Variants in CSMD1 observed in about 807,000 individuals in gnomAD.
CSMD1 encodes the protein CUB and Sushi multiple domains 1.
In CSMD1, 213 loss-of-function variants were observed where a neutral mutation model predicts 417.5. The ratio of observed to expected loss-of-function variants is 0.51; its 90% CI spans 0.46 to 0.57. CSMD1 has a LOEUF of 0.57. CSMD1 is among the 20% of genes least tolerant of loss of function. The pLI is 0.00. For missense variants in CSMD1, 6,923 were observed against 4,529.7 expected (o/e 1.53, Z -15.17); for synonymous variants, 2,862 against 1,736.8 (o/e 1.65, Z -16.11).
chr8:4,840,317 G>T (rs1241724053), intron 1 of CSMD1, among the ~76,000 whole-genome samples: 2 of 152,128 alleles, frequency 1.3e-5, no homozygotes, highest in Non-Finnish European at 2.9e-5. Flanking sequence ...CTTCTATTCA[G>T]CACAGCTGTT....
At chr8:4,826,626 G>C (rs1385863442) in intron 1 of CSMD1, among the ~76,000 whole-genome samples, 1 of 152,158 alleles carries the variant, frequency 6.6e-6, no homozygotes, top group Non-Finnish European at 1.5e-5. Context: ...TAACTTGGGA[G>C]AAATTGCTGC....
chr8:4,415,541 C>T (rs986835203), intron 3 of CSMD1, among the ~76,000 whole-genome samples: 7 of 152,158 alleles, frequency 4.6e-5, no homozygotes, highest in African/African-American at 1.7e-4. Context: ...TTTATAAAGC[C>T]GGAATGACTA....
chr8:4,075,160 T>C (rs918028779), intron 3 of CSMD1, among the ~76,000 whole-genome samples: 8 of 152,222 alleles, frequency 5.3e-5, no homozygotes, highest in Non-Finnish European at 1.0e-4. Flanking sequence ...GATTAAATTT[T>C]GCTAAGCTGA....
At chr8:4,867,487 A>C (rs143462698) in intron 1 of CSMD1, among the ~76,000 whole-genome samples, 1 of 152,106 alleles carries the variant, frequency 6.6e-6, no homozygotes, top group Non-Finnish European at 1.5e-5. Context: ...TGAGGCCAAC[A>C]CTCTTCCTAT....
chr8:3,253,764 G>C (rs1278722986), intron 26 of CSMD1, among the ~76,000 whole-genome samples: 3 of 152,092 alleles, frequency 2.0e-5, no homozygotes, highest in African/African-American at 7.2e-5. Context: ...GAGCCTATGT[G>C]TGTCTCTGCA....
intron 3 of CSMD1, among the ~76,000 whole-genome samples, chr8:4,073,928 C>T (rs1355120969): frequency 1.3e-5 from 2 of 152,020 alleles, no homozygotes; most frequent in Non-Finnish European, 2.9e-5. Flanking sequence ...TCTATACAGA[C>T]GGTTTTTGAC....
intron 3 of CSMD1, among the ~76,000 whole-genome samples, chr8:4,093,943 G>C (rs1253902973): frequency 6.6e-6 from 1 of 151,432 alleles, no homozygotes; most frequent in Non-Finnish European, 1.5e-5. Context: ...CTGAGCAAAA[G>C]AGTGACTGAG....
chr8:4,026,914 A>G (rs979669783), intron 4 of CSMD1, among the ~76,000 whole-genome samples: 2 of 148,038 alleles, frequency 1.4e-5, no homozygotes, highest in African/African-American at 2.6e-5. Context: ...TTCTTTAAAA[A>G]CCAACCAAAC....
intron 2 of CSMD1, among the ~76,000 whole-genome samples, chr8:4,629,311 C>G (rs1802362864): frequency 6.6e-6 from 1 of 152,112 alleles, no homozygotes. Context: ...TTTCAATATC[C>G]TCAAAAACGC....
chr8:3,841,630 G>A (rs1024663992), intron 5 of CSMD1, among the ~76,000 whole-genome samples: 1 of 151,646 alleles, frequency 6.6e-6, no homozygotes, highest in Non-Finnish European at 1.5e-5. Flanking sequence ...AGTTTTTCAG[G>A]TCACACATTT....
intron 2 of CSMD1, among the ~76,000 whole-genome samples, chr8:4,452,177 C>G (rs1441601337): frequency 1.3e-5 from 2 of 152,168 alleles, no homozygotes; most frequent in South Asian, 2.1e-4. Flanking sequence ...TCTTCCTTCT[C>G]TTCGCTTAGT....
intron 15 of CSMD1, among the ~76,000 whole-genome samples, chr8:3,403,593 C>T (rs1328658460): frequency 1.3e-5 from 2 of 152,204 alleles, no homozygotes; most frequent in Non-Finnish European, 2.9e-5. Context: ...CAGGTTGTAA[C>T]ATATCTGCAA....
intron 2 of CSMD1, among the ~76,000 whole-genome samples, chr8:4,540,211 A>C (rs532645322): frequency 7.9e-5 from 12 of 152,294 alleles, no homozygotes; most frequent in Admixed American, 3.3e-4. Flanking sequence ...ATTTGCTTTA[A>C]ACTGCTGCTG....
chr8:3,574,888 T>A, intron 10 of CSMD1, 57 bp downstream of exon 10: 1 of 1,559,308 alleles, frequency 6.4e-7, no homozygotes, highest in Non-Finnish European at 8.7e-7. Flanking sequence ...GCTTCAACAA[T>A]AGATCCTATA....
chr8:3,396,982 T>A (rs117640029), intron 16 of CSMD1, among the ~76,000 whole-genome samples: 1 of 152,300 alleles, frequency 6.6e-6, no homozygotes, highest in Non-Finnish European at 1.5e-5. Flanking sequence ...GATACTTTAA[T>A]AACTTGAGAA....
chr8:4,713,590 G>A (rs921783668), intron 1 of CSMD1, among the ~76,000 whole-genome samples: 3 of 151,852 alleles, frequency 2.0e-5, no homozygotes, highest in East Asian at 1.9e-4. Flanking sequence ...TAGTAGAGAC[G>A]GGGTTTCACC....
intron 1 of CSMD1, among the ~76,000 whole-genome samples, chr8:4,832,857 G>C (rs1462946613): frequency 6.6e-6 from 1 of 152,128 alleles, no homozygotes; most frequent in Non-Finnish European, 1.5e-5. Context: ...GCATGTGTGT[G>C]AGGGCGTATG....
chr8:3,769,886 A>T (rs1021043646), intron 5 of CSMD1, among the ~76,000 whole-genome samples: 32 of 152,224 alleles, frequency 2.1e-4, no homozygotes, highest in African/African-American at 5.8e-4. Context: ...GAAGGGATGT[A>T]GCTCTTCAGG....
At chr8:4,951,967 A>G (rs1027033068) in intron 1 of CSMD1, among the ~76,000 whole-genome samples, 5 of 151,518 alleles carry the variant, frequency 3.3e-5, no homozygotes, top group African/African-American at 1.2e-4. Context: ...ACTCCTTCAG[A>G]GCCAAGCTTC....
Sources: gnomAD v4.1 joint callset for allele counts (sites outside exome capture counted in the v4.1 genomes callset) on GRCh38, gnomAD v4.1.1 for gene constraint, MANE v1.5 for transcripts, NCBI Gene and HGNC (gene_info 2026-07-23, HGNC 2026-07-21) for gene names.